MAN2B1: variants seen among roughly 807,000 people sequenced by gnomAD.
MAN2B1 encodes mannosidase alpha class 2B member 1, also known as lysosomal alpha-mannosidase.
MAN2B1 carries 99 observed loss-of-function variants against 127.5 expected under a neutral mutation model. The observed-to-expected ratio is 0.78, with a 90% CI of 0.66 to 0.92. The LOEUF (loss-of-function observed/expected upper bound fraction) is 0.92, where lower values mean the gene tolerates loss of function less well. Among genes scored for constraint, MAN2B1 ranks in the 40% least tolerant of loss-of-function variants. The pLI is 0.00. For synonymous variants in MAN2B1, 573 were observed against 568.8 expected (o/e 1.01, Z -0.11); for missense variants, 1,304 against 1,384.8 (o/e 0.94, Z 0.93).
chr19:12,657,147 C>G, intron 11 of MAN2B1, 91 bp from the exon 12 acceptor site: 1 of 818,048 alleles, frequency 1.2e-6, no homozygotes, highest in Admixed American at 2.0e-5. Context: ...CGGTCTCTGT[C>G]CCGCCTCCCT....
rs749680035 is a variant in MAN2B1, at chr19:12,664,926, C to T, written c.496G>A (p.Gly166Ser). Reference protein sequence around the residue: ...VMNDEAATHYGAIVDQMTLGL... With the variant: ...VMNDEAATHYSAIVDQMTLGL... ...AGTGTCATCTGGTCCACGATGGCAC[C>T]GTAGTGGGTGGCTGCCTCATCGTTC... Residue 166 changes from glycine (G) to serine (S), a missense_variant, in exon 4 of 24, where the codon GGT becomes AGT. Coordinates refer to ENST00000456935, the MANE Select transcript of MAN2B1 (RefSeq NM_000528.4). 3.7e-6 allele frequency: 6 copies of T among 1,614,162 alleles called. No homozygotes were observed. In the Admixed American group the frequency reaches 1.0e-4, roughly 27 times the overall value.
At chr19:12,649,867 CAA>C in intron 18 of MAN2B1, 44 bp downstream of exon 18, 1 of 1,506,926 alleles carries the variant, frequency 6.6e-7, no homozygotes, top group Non-Finnish European at 9.2e-7. Context: ...CCCTGGGCCC[CAA>C]CACACCACAG....
intron 13 of MAN2B1, chr19:12,656,213 A>C (rs2023952382): frequency 4.5e-6 from 2 of 441,986 alleles, no homozygotes; most frequent in Non-Finnish European, 8.2e-6. Flanking sequence ...AACAGCAATA[A>C]ATTTTCCTGG....
intron 7 of MAN2B1, among the ~76,000 whole-genome samples, chr19:12,659,785 C>T (rs1289536287): frequency 6.6e-6 from 1 of 151,526 alleles, no homozygotes; most frequent in Non-Finnish European, 1.5e-5. Flanking sequence ...TGCCACTGCA[C>T]TCCAGCCTGG....
At chr19:12,661,824 G>GAA (rs541166219) in intron 6 of MAN2B1, among the ~76,000 whole-genome samples, 6 of 131,060 alleles carry the variant, frequency 4.6e-5, no homozygotes, top group Admixed American at 7.6e-5. Flanking sequence ...CCTGTCTCAA[G>GAA]AAAAAAAAAA....
At chr19:12,653,636 T>TG (rs1384512329) in intron 14 of MAN2B1, among the ~76,000 whole-genome samples, 2 of 152,016 alleles carry the variant, frequency 1.3e-5, no homozygotes, top group Admixed American at 6.5e-5. Context: ...TTTCTAGAGA[T>TG]GGGGGTCCCA....
intron 2 of MAN2B1, 58 bp from the exon 3 acceptor site, chr19:12,665,583 A>G (rs777622062): frequency 2.1e-5 from 34 of 1,605,708 alleles, no homozygotes; most frequent in Non-Finnish European, 2.6e-5. Flanking sequence ...GGTTATTCCT[A>G]GACAGAGGAG....
rs775720806 is a variant in MAN2B1, at chr19:12,647,437, T to C, written c.2820+6A>G. ...CCGATCTCCTTCTCAATTTTGCCCT[T>C]CTCACCCTCAAGTTCAAGGTAACGG... On this transcript the variant is annotated splice_donor_region_variant and intron_variant, in intron 22 of 23. Coordinates refer to ENST00000456935, the MANE Select transcript of MAN2B1 (RefSeq NM_000528.4). The surrounding 1 kb of genome is among the most constrained non-coding windows in gnomAD (Gnocchi z 4.9). 8 of 1,614,006 alleles carry C rather than the reference T, an allele frequency of 5.0e-6. No individual in the cohort carries two copies. The highest frequency in any genetic ancestry group is 1.3e-5 in the African/African-American group (1 of 74,912).
chr19:12,666,493 C>T (rs1457201080), intron 1 of MAN2B1, 50 bp downstream of exon 1: 1 of 1,552,946 alleles, frequency 6.4e-7, no homozygotes, highest in South Asian at 1.2e-5. Flanking sequence ...AGACTGTATT[C>T]TGGGTTTCAC....
chr19:12,663,404 G>A lies in MAN2B1; in HGVS notation c.822C>T (p.Val274=), dbSNP rs750447748. 4 of 1,613,862 alleles carry A rather than the reference G, an allele frequency of 2.5e-6. No individual in the cohort carries two copies. Among genetic ancestry groups the A allele is most frequent in the African/African-American group, 2.7e-5 (2 of 74,876 alleles). ...PRNLCWDVLC[V]DQPLVEDPRS... ...GAGGGTCCTCCACCAGCGGCTGATC[G>A]ACACACAGCACATCCCAGCACAGAT... Residue 274 remains valine, a synonymous_variant, in exon 6 of 24, where the codon GTC becomes GTT. Coordinates refer to ENST00000456935, the MANE Select transcript of MAN2B1 (RefSeq NM_000528.4).
chr19:12,652,395 T>C lies in MAN2B1; in HGVS notation c.1896A>G (p.Gln632=), dbSNP rs1355122862. ...LLMEIMNMNQ[Q]LLLPVRQTFF... is the part of the protein sequence containing the mutation. ...AGGTCTGGCGAACAGGCAGCAGGAG[T>C]TGCTGATTCATGTTCATAATCTCCA... The change falls in exon 15 of 24, where the codon CAA becomes CAG. Residue 632 remains glutamine (Q), a synonymous_variant. Coordinates refer to ENST00000456935, the MANE Select transcript of MAN2B1 (RefSeq NM_000528.4). The C allele has an allele frequency of 1.2e-6, 2 of 1,614,012 alleles. No individual in the cohort carries two copies. The highest frequency in any genetic ancestry group is 3.3e-5 in the Admixed American group (2 of 60,004).
Position 12,654,321 on chromosome 19 carries a change from T to G in MAN2B1, c.1830+1373A>C, listed in dbSNP as rs966515723. Reference sequence around the variant, plus strand: ...CCTCCCAAAGTGCTGGGATTACAGGTGTGAGCCACCGCGCCCGGCCCCCCC... The same window carrying G: ...CCTCCCAAAGTGCTGGGATTACAGGGGTGAGCCACCGCGCCCGGCCCCCCC... On this transcript the variant is annotated intron_variant, in intron 14 of 23. Coordinates refer to ENST00000456935, the MANE Select transcript of MAN2B1 (RefSeq NM_000528.4). Among the ~76,000 whole-genome samples the G allele has an allele frequency of 2.0e-5, 3 of 152,022 alleles. No homozygotes were observed. In the South Asian group the frequency reaches 6.2e-4, roughly 32 times the overall value.
Position 12,658,450 on chromosome 19 carries a change from G to T in MAN2B1, c.1087C>A (p.Leu363Met). Residue 363 changes from leucine to methionine, a missense_variant, in exon 8 of 24, where the codon CTG (leucine) becomes ATG (methionine). Transcript: ENST00000456935. ...YSTPACYLWE[L>M]NKANLTWSVK... ...TACCAGGTGAGGTTGGCCTTGTTCA[G>T]CTCCCAGAGGTAACAAGCGGGGGTG... is the stretch of plus-strand genomic sequence containing the variant. The T allele has an allele frequency of 6.2e-7, 1 of 1,614,200 alleles. No homozygotes were observed.
intron 4 of MAN2B1, 146 bp downstream of exon 4, chr19:12,664,646 A>G: frequency 1.1e-6 from 1 of 878,610 alleles, no homozygotes; most frequent in Non-Finnish European, 1.8e-6. Context: ...CACTGGCTTT[A>G]CGGCTCACTC....
At chr19:12,651,990 A>C (rs1199509326) in intron 16 of MAN2B1, among the ~76,000 whole-genome samples, 163 bp downstream of exon 16, 1 of 152,182 alleles carries the variant, frequency 6.6e-6, no homozygotes, top group Admixed American at 6.6e-5. Context: ...ATTCTATGGA[A>C]GGACCCTCAA....
At chr19:12,662,937 C>CG (rs2024141300) in intron 6 of MAN2B1, among the ~76,000 whole-genome samples, 2 of 126,180 alleles carry the variant, frequency 1.6e-5, no homozygotes, top group African/African-American at 6.0e-5. Context: ...GACTCTGTCT[C>CG]AAAAAAAAAA....
Position 12,666,727 on chromosome 19 carries a change from C to T in MAN2B1, c.-26G>A, listed in dbSNP as rs1298556770. On this transcript the variant is annotated 5_prime_UTR_variant, in exon 1 of 24. Coordinates refer to ENST00000456935, the MANE Select transcript of MAN2B1 (RefSeq NM_000528.4). ...GGCTCAGCAGCTTCCTCCTGGGGTT[C>T]CCCGGCCCTGGAAAGGCCGGGCAAA... 1 of 1,545,170 alleles carries T rather than the reference C, an allele frequency of 6.5e-7. No homozygotes were observed. Among genetic ancestry groups the T allele is most frequent in the African/African-American group, 1.4e-5 (1 of 72,906 alleles).
chr19:12,652,689 G>A (rs1384439715), intron 14 of MAN2B1, among the ~76,000 whole-genome samples: 4 of 151,110 alleles, frequency 2.6e-5, no homozygotes, highest in Non-Finnish European at 4.4e-5. Flanking sequence ...CCACCACCCC[G>A]CCTGGCTAAT....
intron 13 of MAN2B1, 68 bp downstream of exon 13, chr19:12,656,502 TG>T (rs1271348666): frequency 4.8e-5 from 51 of 1,073,596 alleles, no homozygotes; most frequent in Non-Finnish European, 7.1e-5. Context: ...GCGATATCCA[TG>T]GGGGCGATGA....
Sources: gnomAD v4.1 joint callset for allele counts (sites outside exome capture counted in the v4.1 genomes callset) on GRCh38, gnomAD v4.1.1 for gene constraint, Gnocchi (gnomAD v3.1) non-coding constraint, MANE v1.5 for transcripts, NCBI Gene and HGNC (gene_info 2026-07-23, HGNC 2026-07-21) for gene names.